Variants in SYT1 observed in about 807,000 individuals in gnomAD.
SYT1 encodes synaptotagmin 1.
SYT1 carries 8 observed loss-of-function variants against 44.8 expected under a neutral mutation model. The observed-to-expected ratio is 0.18, with a 90% CI of 0.10 to 0.32. The LOEUF (loss-of-function observed/expected upper bound fraction) is 0.32, where lower values mean the gene tolerates loss of function less well. Among genes scored for constraint, SYT1 ranks in the 10% least tolerant of loss-of-function variants. The pLI is 1.00. For missense variants in SYT1, 286 were observed against 509.3 expected, an observed-to-expected ratio of 0.56 and a Z score of 4.22; for synonymous variants, 154 against 188.8, an observed-to-expected ratio of 0.82 and a Z score of 1.51.
At chr12:79,176,200 G>C (rs563876886) in intron 3 of SYT1, among the ~76,000 whole-genome samples, 1 of 150,330 alleles carries the variant, frequency 6.7e-6, no homozygotes, top group Admixed American at 6.7e-5. Flanking sequence ...TGAGGCAGGA[G>C]AATCACTTGA....
chr12:78,936,136 G>T (rs77548907), intron 1 of SYT1, among the ~76,000 whole-genome samples: 3,278 of 152,120 alleles, frequency 0.022, 53 homozygotes, highest in Middle Eastern at 0.079. Flanking sequence ...GAGTTACATA[G>T]AAATTTTAAT....
chr12:79,227,177 C>G (rs1875572001), intron 4 of SYT1, among the ~76,000 whole-genome samples: 1 of 152,012 alleles, frequency 6.6e-6, no homozygotes, highest in Non-Finnish European at 1.5e-5. Flanking sequence ...ATATTCAAAC[C>G]AAATTGCCTG....
intron 1 of SYT1, among the ~76,000 whole-genome samples, chr12:78,941,394 T>TACACACACACAC (rs71441941): frequency 1.4e-5 from 2 of 143,734 alleles, no homozygotes; most frequent in Admixed American, 7.0e-5. Context: ...TAATAGAATC[T>TACACACACACAC]ACACACACAC....
At chr12:78,997,608 A>G (rs1383491152) in intron 2 of SYT1, among the ~76,000 whole-genome samples, 1 of 151,872 alleles carries the variant, frequency 6.6e-6, no homozygotes, top group Non-Finnish European at 1.5e-5. Flanking sequence ...CCCTCCCAGA[A>G]GCCATCTATT....
At chr12:78,894,350 T>G (rs1292582603) in intron 1 of SYT1, among the ~76,000 whole-genome samples, 2 of 130,292 alleles carry the variant, frequency 1.5e-5, no homozygotes, top group African/African-American at 2.9e-5. Flanking sequence ...TTTTTTTTTT[T>G]TTTTTTTTTT....
At chr12:79,339,448 G>T (rs1882258427) in intron 8 of SYT1, among the ~76,000 whole-genome samples, 2 of 152,138 alleles carry the variant, frequency 1.3e-5, no homozygotes, top group South Asian at 4.2e-4. Context: ...TCATGTGTCT[G>T]TTGGCTGCAT....
intron 4 of SYT1, among the ~76,000 whole-genome samples, chr12:79,223,135 G>GT (rs1875276113): frequency 6.6e-6 from 1 of 152,104 alleles, no homozygotes; most frequent in Admixed American, 6.5e-5. Context: ...TTGCACCTTA[G>GT]TTTTTTCCTT....
chr12:79,013,017 T>G (rs1871523232), intron 2 of SYT1, among the ~76,000 whole-genome samples: 1 of 152,062 alleles, frequency 6.6e-6, no homozygotes, highest in South Asian at 2.1e-4. Flanking sequence ...GTGCCACCTC[T>G]GCTTGCTTCC....
chr12:79,338,991 C>T (rs576704274), intron 8 of SYT1, among the ~76,000 whole-genome samples: 1 of 152,304 alleles, frequency 6.6e-6, no homozygotes, highest in Non-Finnish European at 1.5e-5. Context: ...CTACAAACAA[C>T]ATGAATTCAT....
intron 3 of SYT1, among the ~76,000 whole-genome samples, chr12:79,202,996 G>T (rs1362421530): frequency 2.0e-5 from 3 of 151,956 alleles, no homozygotes; most frequent in Non-Finnish European, 4.4e-5. Flanking sequence ...GACCTATTGG[G>T]AATCAAAAGC....
intron 3 of SYT1, among the ~76,000 whole-genome samples, chr12:79,114,061 A>G (rs1303024052): frequency 6.6e-6 from 1 of 152,148 alleles, no homozygotes; most frequent in Non-Finnish European, 1.5e-5. Flanking sequence ...CAAGCAGGGT[A>G]GTAGAAGAAA....
intron 1 of SYT1, among the ~76,000 whole-genome samples, chr12:78,945,325 T>G (rs1010968460): frequency 1.3e-5 from 2 of 152,060 alleles, no homozygotes; most frequent in Non-Finnish European, 2.9e-5. Context: ...TAAGATATTC[T>G]TTCATGTATG....
At chr12:78,936,682 A>G (rs1358699160) in intron 1 of SYT1, among the ~76,000 whole-genome samples, 1 of 152,202 alleles carries the variant, frequency 6.6e-6, no homozygotes, top group African/African-American at 2.4e-5. Context: ...GCAATTTTGC[A>G]TGAACAAGCA....
At chr12:79,438,761 C>A (rs1020048043) in intron 9 of SYT1, among the ~76,000 whole-genome samples, 1 of 152,180 alleles carries the variant, frequency 6.6e-6, no homozygotes, top group African/African-American at 2.4e-5. Flanking sequence ...TCTCACATGG[C>A]ATAGTCAGTG....
At chr12:79,097,745 A>AT (rs1354306837) in intron 3 of SYT1, among the ~76,000 whole-genome samples, 1 of 152,078 alleles carries the variant, frequency 6.6e-6, no homozygotes, top group African/African-American at 2.4e-5. Flanking sequence ...TAGTAAAACT[A>AT]TAACAACTGT....
At chr12:79,247,333 T>C (rs1178146617) in intron 4 of SYT1, among the ~76,000 whole-genome samples, 2 of 152,172 alleles carry the variant, frequency 1.3e-5, no homozygotes, top group Admixed American at 6.5e-5. Flanking sequence ...TTAAAAACCA[T>C]CTAATATGTA....
At chr12:79,297,254 C>A (rs1334855503) in intron 7 of SYT1, among the ~76,000 whole-genome samples, 1 of 152,044 alleles carries the variant, frequency 6.6e-6, no homozygotes, top group East Asian at 1.9e-4. Context: ...TTTTCTGTAC[C>A]TAAGCAGTGA....
rs200555926 is a variant in SYT1, at chr12:79,193,004, GATTC to G, written c.-17-24498_-17-24495del. Among the ~76,000 whole-genome samples, 366 of 152,190 alleles carry G rather than the reference GATTC, an allele frequency of 2.4e-3. 3 individuals are homozygous for G. Among genetic ancestry groups the G allele is most frequent in the African/African-American group, 8.6e-3 (357 of 41,548 alleles). ...GAATTAAGGGCAGTTCCATTCAGGT[GATTC>G]TACATTTCATTTTACACAATGCCAT... On this transcript the variant is annotated intron_variant, in intron 3 of 10. Coordinates refer to ENST00000261205, the MANE Select transcript of SYT1 (RefSeq NM_005639.3).
chr12:78,916,267 C>T (rs999137328), intron 1 of SYT1, among the ~76,000 whole-genome samples: 1 of 151,974 alleles, frequency 6.6e-6, no homozygotes. Context: ...CTGAATAAAT[C>T]ACTAAGCCAA....
Sources: allele counts gnomAD v4.1 joint callset (sites outside exome capture counted in the v4.1 genomes callset), GRCh38; gene constraint gnomAD v4.1.1; transcripts MANE v1.5; gene names NCBI Gene and HGNC (gene_info 2026-07-23, HGNC 2026-07-21).